The following DCDC1 variants were observed in gnomAD, a reference collection of about 807,000 sequenced individuals.
The protein encoded by DCDC1 is doublecortin domain-containing protein 1.
DCDC1 carries 200 observed loss-of-function variants against 178.3 expected under a neutral mutation model. The ratio of observed to expected loss-of-function variants is 1.12; its 90% confidence interval spans 1.00 to 1.26. The LOEUF is 1.26. DCDC1 is among the 50% of genes most tolerant of loss of function. DCDC1 has a pLI of 0.00. For synonymous variants in DCDC1, 690 were observed against 604.8 expected (o/e 1.14, Z -2.07); for missense variants, 1,983 against 1,749.2 (o/e 1.13, Z -2.38).
intron 20 of DCDC1, among the ~76,000 whole-genome samples, chr11:30,954,006 T>A (rs953002384): frequency 1.9e-4 from 6 of 30,926 alleles, no homozygotes; most frequent in Non-Finnish European, 7.3e-5. Context: ...ACAACAATTC[T>A]TTTTTTTTTT....
intron 20 of DCDC1, among the ~76,000 whole-genome samples, chr11:31,052,118 A>G (rs1260937924): frequency 6.6e-6 from 1 of 152,176 alleles, no homozygotes; most frequent in African/African-American, 2.4e-5. Flanking sequence ...CATCAACCAC[A>G]TAAGAACTCA....
At position 31,077,884 on chromosome 11, in the gene DCDC1, T is replaced by C; in HGVS notation, c.2279A>G (p.Asp760Gly). Residue 760 changes from aspartate (D) to glycine (G), a missense_variant, in exon 18 of 39, where the codon GAT (aspartate) becomes GGT (glycine). Asp to Gly is a moderately conservative substitution (Grantham distance 94). Transcript: ENST00000684477. ...DDSQKWVFGT[D>G]GCIYSKAYPQ... Reference sequence around the variant, plus strand: ...CCTTACCTTTGAATAAATGCAACCATCAGTTCCAAACACCCACTTCTGAGA... The same window carrying C: ...CCTTACCTTTGAATAAATGCAACCACCAGTTCCAAACACCCACTTCTGAGA... 1 of 766,262 alleles carries C rather than the reference T, an allele frequency of 1.3e-6. No homozygotes were observed. The highest frequency in any genetic ancestry group is 1.3e-5 in the South Asian group (1 of 74,616). 47.5% of individuals were successfully genotyped at this position (766,262 alleles called of 1,614,324 possible).
chr11:31,073,446 A>G (rs1186681093), intron 18 of DCDC1, among the ~76,000 whole-genome samples: 1 of 152,228 alleles, frequency 6.6e-6, no homozygotes, highest in Non-Finnish European at 1.5e-5. Flanking sequence ...CTGTTGACGG[A>G]AAGAGTGAGA....
chr11:30,906,458 G>T, intron 30 of DCDC1, 82 bp downstream of exon 30: 1 of 1,380,646 alleles, frequency 7.2e-7, no homozygotes, highest in South Asian at 1.5e-5. Flanking sequence ...AGATGAACTT[G>T]AGTGCAAGGC....
intron 6 of DCDC1, among the ~76,000 whole-genome samples, chr11:31,302,231 T>C (rs1250996676): frequency 6.6e-6 from 1 of 152,198 alleles, no homozygotes. Context: ...CCATTTATTA[T>C]GCTATGTTTG....
chr11:31,212,310 AC>A (rs1172019252), intron 9 of DCDC1, among the ~76,000 whole-genome samples: 1 of 151,690 alleles, frequency 6.6e-6, no homozygotes, highest in Non-Finnish European at 1.5e-5. Context: ...ATTAAAAAAA[AC>A]AAGAAACTAT....
At chr11:30,875,985 T>A (rs1323962529) in intron 38 of DCDC1, among the ~76,000 whole-genome samples, 3 of 152,144 alleles carry the variant, frequency 2.0e-5, no homozygotes, top group Non-Finnish European at 4.4e-5. Context: ...ACATTGCAAC[T>A]TTACCCTAAC....
At chr11:30,902,939 G>GATCA (rs1944797987) in intron 32 of DCDC1, among the ~76,000 whole-genome samples, 1 of 152,170 alleles carries the variant, frequency 6.6e-6, no homozygotes, top group Non-Finnish European at 1.5e-5. Context: ...TTATCATGCA[G>GATCA]TGTGTCCAAA....
At position 31,343,710 on chromosome 11, in the gene DCDC1, G is replaced by A. The variant is rs568307332; in HGVS notation, c.-124-8146C>T. On this transcript the variant is annotated intron_variant, in intron 1 of 38. Transcript: ENST00000684477. ...GAGATGGGTAGACCACTTGAGGTCA[G>A]GAATTCATGACCAGTCTGGCCAACA... Among the ~76,000 whole-genome samples, 8 of 152,218 alleles carry A rather than the reference G, an allele frequency of 5.3e-5. No individual in the cohort carries two copies. In the East Asian group the frequency reaches 1.6e-3, roughly 30 times the overall value.
At chr11:31,332,294 C>T (rs1041072037) in intron 2 of DCDC1, among the ~76,000 whole-genome samples, 4 of 151,912 alleles carry the variant, frequency 2.6e-5, no homozygotes, top group Non-Finnish European at 5.9e-5. Flanking sequence ...GTCTTGCTAG[C>T]GGTCTATCAA....
At chr11:31,229,024 C>A (rs1315299333) in intron 9 of DCDC1, among the ~76,000 whole-genome samples, 1 of 151,926 alleles carries the variant, frequency 6.6e-6, no homozygotes, top group Non-Finnish European at 1.5e-5. Context: ...TGTACATATA[C>A]CCTGCCAAAT....
chr11:30,870,690 G>A (rs554944264), intron 38 of DCDC1, among the ~76,000 whole-genome samples: 1 of 152,270 alleles, frequency 6.6e-6, no homozygotes, highest in South Asian at 2.1e-4. Flanking sequence ...ATGTTCAGAA[G>A]TGTTACTTAA....
intron 20 of DCDC1, among the ~76,000 whole-genome samples, chr11:30,979,265 G>A (rs1216792055): frequency 1.3e-5 from 2 of 152,190 alleles, no homozygotes; most frequent in Non-Finnish European, 2.9e-5. Flanking sequence ...CAAGAAAGGA[G>A]CAGGAAGTGA....
intron 9 of DCDC1, among the ~76,000 whole-genome samples, chr11:31,171,473 A>C (rs1468783779): frequency 6.6e-6 from 1 of 152,198 alleles, no homozygotes; most frequent in East Asian, 1.9e-4. Context: ...CTCTCAACCT[A>C]CATGTCTATT....
intron 20 of DCDC1, among the ~76,000 whole-genome samples, chr11:31,029,756 A>C (rs1010523135): frequency 2.6e-5 from 4 of 152,108 alleles, no homozygotes; most frequent in Non-Finnish European, 1.5e-5. Context: ...TTTTTTCTCG[A>C]ATATGAGGCT....
chr11:30,886,558 T>C (rs967915834), intron 36 of DCDC1, among the ~76,000 whole-genome samples: 2 of 152,300 alleles, frequency 1.3e-5, no homozygotes, highest in Admixed American at 1.3e-4. Flanking sequence ...TGTGTCCTGA[T>C]ATGGCAGAGA....
At chr11:30,866,913 G>T (rs982325841) in intron 38 of DCDC1, among the ~76,000 whole-genome samples, 2 of 152,094 alleles carry the variant, frequency 1.3e-5, no homozygotes, top group Non-Finnish European at 2.9e-5. Context: ...AAGGGCATGT[G>T]GGAGTGGGTT....
At chr11:31,150,233 A>G (rs189102605) in intron 9 of DCDC1, among the ~76,000 whole-genome samples, 6 of 152,352 alleles carry the variant, frequency 3.9e-5, no homozygotes, top group Non-Finnish European at 8.8e-5. Flanking sequence ...AAGATTGACT[A>G]AGAGGATGAC....
At chr11:31,049,482 G>A (rs954309074) in intron 20 of DCDC1, among the ~76,000 whole-genome samples, 1 of 152,140 alleles carries the variant, frequency 6.6e-6, no homozygotes, top group Non-Finnish European at 1.5e-5. Flanking sequence ...AGATGTTTGG[G>A]GGATTCAGGG....
Sources: allele counts gnomAD v4.1 joint callset (sites outside exome capture counted in the v4.1 genomes callset), GRCh38; gene constraint gnomAD v4.1.1; transcripts MANE v1.5; gene names NCBI Gene and HGNC (gene_info 2026-07-23, HGNC 2026-07-21).